Variants in PCDH15 observed in about 807,000 individuals in gnomAD.
PCDH15 encodes protocadherin related 15, also known as protocadherin-15.
A neutral mutation model predicts 178.5 loss-of-function variants in PCDH15; 129 were observed. The observed-to-expected ratio is 0.72, with a 90% CI of 0.63 to 0.84. PCDH15 has a LOEUF of 0.84. PCDH15 is among the 40% of genes least tolerant of loss of function. The pLI, the probability that PCDH15 is intolerant of heterozygous loss-of-function variation, is 0.00. For missense variants in PCDH15, 2,230 were observed against 2,099.9 expected (o/e 1.06, Z -1.21); for synonymous variants, 800 against 732.0 (o/e 1.09, Z -1.50).
intron 14 of PCDH15, among the ~76,000 whole-genome samples, chr10:54,149,066 G>T (rs530661336): frequency 6.6e-6 from 1 of 151,934 alleles, no homozygotes; most frequent in African/African-American, 2.4e-5. Flanking sequence ...CTATAAACAA[G>T]AAGCTATTTC....
chr10:53,818,666 G>A (rs2076148851), intron 33 of PCDH15, among the ~76,000 whole-genome samples: 1 of 151,930 alleles, frequency 6.6e-6, no homozygotes, highest in African/African-American at 2.4e-5. Context: ...TACTTGAGGG[G>A]GAGAAAAGAA....
chr10:54,311,738 T>C (rs1385671231), intron 8 of PCDH15, among the ~76,000 whole-genome samples: 3 of 152,064 alleles, frequency 2.0e-5, no homozygotes, highest in African/African-American at 2.4e-5. Flanking sequence ...AATCTTAGTG[T>C]TTGTGAAAAC....
At chr10:54,068,332 T>G (rs2135827848) in intron 17 of PCDH15, among the ~76,000 whole-genome samples, 1 of 152,286 alleles carries the variant, frequency 6.6e-6, no homozygotes, top group Admixed American at 6.5e-5. Flanking sequence ...CTTTGAAAAT[T>G]TATGTTGCTA....
At chr10:54,823,140 C>T (rs1564540241) in intron 3 of PCDH15, among the ~76,000 whole-genome samples, 1 of 151,994 alleles carries the variant, frequency 6.6e-6, no homozygotes, top group African/African-American at 2.4e-5. Context: ...CCTCAGCCTC[C>T]TAAAATGCTG....
intron 8 of PCDH15, among the ~76,000 whole-genome samples, chr10:54,248,605 A>G (rs2056208062): frequency 6.6e-6 from 1 of 152,070 alleles, no homozygotes; most frequent in Non-Finnish European, 1.5e-5. Context: ...TGGAGATATG[A>G]AAAAGCTCAC....
At chr10:55,167,971 G>C (rs759273077) in intron 1 of PCDH15, among the ~76,000 whole-genome samples, 1 of 151,916 alleles carries the variant, frequency 6.6e-6, no homozygotes, top group African/African-American at 2.4e-5. Flanking sequence ...GATATATAAA[G>C]ATCTCTACAT....
chr10:54,358,978 A>G (rs1427624938), intron 5 of PCDH15, among the ~76,000 whole-genome samples: 1 of 133,886 alleles, frequency 7.5e-6, no homozygotes, highest in Non-Finnish European at 1.5e-5. Flanking sequence ...ACATGGACAC[A>G]GGAAGGGGAA....
intron 3 of PCDH15, among the ~76,000 whole-genome samples, chr10:54,822,394 T>G (rs1204592038): frequency 6.6e-6 from 1 of 152,144 alleles, no homozygotes; most frequent in Admixed American, 6.6e-5. Context: ...GCTATTTGTC[T>G]TCATGAGTCT....
intron 5 of PCDH15, 40 bp downstream of exon 5, chr10:54,369,080 A>C (rs1480612000): frequency 5.6e-6 from 9 of 1,604,592 alleles, no homozygotes; most frequent in Non-Finnish European, 7.7e-6. Context: ...AGATACATAT[A>C]TCAACAGAAA....
chr10:55,022,030 G>A (rs949713639), intron 2 of PCDH15, among the ~76,000 whole-genome samples: 1 of 152,160 alleles, frequency 6.6e-6, no homozygotes, highest in Non-Finnish European at 1.5e-5. Context: ...CAGAGGCTGG[G>A]GTGGTTAGTG....
chr10:54,122,028 C>G (rs1455256756), intron 15 of PCDH15, among the ~76,000 whole-genome samples: 1 of 150,394 alleles, frequency 6.6e-6, no homozygotes, highest in African/African-American at 2.5e-5. Context: ...CACACACACA[C>G]ACACAGAGAC....
At chr10:54,413,073 A>G (rs1408566675) in intron 3 of PCDH15, among the ~76,000 whole-genome samples, 5 of 152,202 alleles carry the variant, frequency 3.3e-5, no homozygotes, top group Non-Finnish European at 7.3e-5. Context: ...GCATGAACAT[A>G]TGTTTAGCAG....
At chr10:55,155,692 G>T (rs2589441) in intron 2 of PCDH15, among the ~76,000 whole-genome samples, 143,061 of 152,032 alleles carry the variant, frequency 0.94, 67,592 homozygotes, top group East Asian at 1. Context: ...TATTGGGGCT[G>T]TTTCCTTAAA....
In PCDH15 at chr10:54,037,078, A is replaced by G. The variant is rs556811848; in HGVS notation, c.2221-13881T>C. On this transcript the variant is annotated intron_variant, in intron 18 of 37. Coordinates refer to ENST00000644397, the MANE Select transcript of PCDH15 (RefSeq NM_001384140.1). ...GATGTGAGTGAATTGCTGTAATCTT[A>G]TGATAAACTTGAACAGTTGAGGAGT... 3.3e-5 allele frequency among the ~76,000 whole-genome samples: 5 copies of G among 152,094 alleles called. No individual in the cohort carries two copies. In the South Asian group the frequency reaches 8.3e-4, roughly 25 times the overall value.
At chr10:54,868,263 G>A (rs1025529122) in intron 3 of PCDH15, among the ~76,000 whole-genome samples, 2 of 152,080 alleles carry the variant, frequency 1.3e-5, no homozygotes, top group African/African-American at 4.8e-5. Flanking sequence ...TTATTCTATT[G>A]TATGCTTTTG....
chr10:55,363,071 T>C (rs1845268347), intron 2 of PCDH15, among the ~76,000 whole-genome samples: 1 of 152,198 alleles, frequency 6.6e-6, no homozygotes. Context: ...GGGCTGTGGG[T>C]TGGAAAGCTT....
intron 1 of PCDH15, among the ~76,000 whole-genome samples, chr10:55,306,004 T>G (rs1292701699): frequency 3.3e-5 from 5 of 152,206 alleles, no homozygotes; most frequent in Admixed American, 2.0e-4. Context: ...TAAAAACAAC[T>G]TTAGCCTGAA....
intron 2 of PCDH15, among the ~76,000 whole-genome samples, chr10:55,410,344 A>ATT (rs35743005): frequency 6.6e-6 from 1 of 151,918 alleles, no homozygotes; most frequent in Non-Finnish European, 1.5e-5. Flanking sequence ...ATCTTCATTA[A>ATT]TTTTTTTTCC....
rs2050698469 is a variant in PCDH15, at chr10:54,205,481, T to TGTGTGTGTGTGTGTGTGTGTG, written c.1098+8454_1098+8455insCACACACACACACACACACAC. Among the ~76,000 whole-genome samples, 3 of 135,174 alleles carry TGTGTGTGTGTGTGTGTGTGTG rather than the reference T, an allele frequency of 2.2e-5. No individual in the cohort carries two copies. In the South Asian group the frequency reaches 7.4e-4, roughly 33 times the overall value. The allele number at this position is 135,174 out of a possible 152,430, so 88.7% of individuals were successfully genotyped here. A position where few individuals can be genotyped will look rare whatever the true frequency, so the allele number is the denominator to read the frequency against. On this transcript the variant is annotated intron_variant, in intron 10 of 37. Coordinates refer to ENST00000644397, the MANE Select transcript of PCDH15 (RefSeq NM_001384140.1). Reference sequence around the variant, plus strand: ...AACAGGTTATCAGGTTATATTTCCTTTGTGTGTGTGTGTGTGTGTGTGTGT... The same window carrying TGTGTGTGTGTGTGTGTGTGTG: ...AACAGGTTATCAGGTTATATTTCCTTGTGTGTGTGTGTGTGTGTGTGTGTGTGTGTGTGTGTGTGTGTGTGT...
Sources: allele counts gnomAD v4.1 joint callset (sites outside exome capture counted in the v4.1 genomes callset), GRCh38; gene constraint gnomAD v4.1.1; transcripts MANE v1.5; gene names NCBI Gene and HGNC (gene_info 2026-07-23, HGNC 2026-07-21).